Variants in STARD13 observed in about 807,000 individuals in gnomAD.
STARD13 encodes StAR related lipid transfer domain containing 13.
STARD13 carries 62 observed loss-of-function variants against 106.4 expected under a neutral mutation model. That is an observed-to-expected ratio of 0.58 (90% CI 0.48 to 0.72). The LOEUF is 0.72. STARD13 is among the 30% of genes least tolerant of loss of function. The pLI is 0.00. For missense variants in STARD13, 1,387 were observed against 1,424.0 expected, an observed-to-expected ratio of 0.97 and a Z score of 0.42; for synonymous variants, 565 against 553.0, an observed-to-expected ratio of 1.02 and a Z score of -0.31.
chr13:33,501,146 C>T, the STARD13 span, among the ~76,000 whole-genome samples: 3 of 140,306 alleles, frequency 2.1e-5, no homozygotes, highest in African/African-American at 8.1e-5. Flanking sequence ...TGCAGTGGCA[C>T]TATCTCAGGT....
intron 1 of STARD13, among the ~76,000 whole-genome samples, chr13:33,187,463 T>C (rs962490918): frequency 2.0e-5 from 3 of 152,186 alleles, no homozygotes; most frequent in Non-Finnish European, 2.9e-5. Context: ...CTTACATTTA[T>C]GAAAAGTCTG....
the STARD13 span, among the ~76,000 whole-genome samples, chr13:33,527,347 A>G: frequency 5.9e-5 from 9 of 152,068 alleles, no homozygotes; most frequent in African/African-American, 2.2e-4. Context: ...TGCCATCCTT[A>G]TAGTCATTCT....
the STARD13 span, among the ~76,000 whole-genome samples, chr13:33,431,985 C>T: frequency 1.3e-5 from 2 of 152,112 alleles, no homozygotes; most frequent in Admixed American, 6.5e-5. Context: ...GCCTCTGATC[C>T]GGCCCGGTGA....
At chr13:33,653,483 A>G in the STARD13 span, among the ~76,000 whole-genome samples, 1 of 152,216 alleles carries the variant, frequency 6.6e-6, no homozygotes, top group East Asian at 1.9e-4. Context: ...CATTTGCAAA[A>G]GAATGAAGTT....
chr13:33,384,028 C>T, the STARD13 span, among the ~76,000 whole-genome samples: 1 of 152,240 alleles, frequency 6.6e-6, no homozygotes, highest in Non-Finnish European at 1.5e-5. Context: ...AGAATTCAAA[C>T]TTTGATTGCG....
At chr13:33,292,882 C>T (rs991943712) in intron 1 of STARD13, among the ~76,000 whole-genome samples, 9 of 152,044 alleles carry the variant, frequency 5.9e-5, no homozygotes, top group South Asian at 2.1e-4. Flanking sequence ...TCCATTGCAC[C>T]GAGAATGAAA....
At chr13:33,478,577 AT>A in the STARD13 span, among the ~76,000 whole-genome samples, 2 of 152,152 alleles carry the variant, frequency 1.3e-5, no homozygotes, top group African/African-American at 4.8e-5. Flanking sequence ...TGTTATCTAA[AT>A]TTCATCCATC....
chr13:33,398,637 G>A, the STARD13 span, among the ~76,000 whole-genome samples: 4 of 152,152 alleles, frequency 2.6e-5, no homozygotes, highest in Non-Finnish European at 4.4e-5. Flanking sequence ...AAAAAAAAGA[G>A]ATGTGAACAG....
chr13:33,149,346 T>C (rs1447753835), intron 3 of STARD13, among the ~76,000 whole-genome samples: 1 of 152,204 alleles, frequency 6.6e-6, no homozygotes, highest in African/African-American at 2.4e-5. Context: ...TGCTCAGTTT[T>C]GTTGTGAACC....
Position 33,285,618 on chromosome 13 carries a change from C to G in STARD13, c.21G>C (p.Arg7Ser). Reference protein sequence around the residue: MFSQVPRTPASGCYYLN... With the variant: MFSQVPSTPASGCYYLN... ...GGTAGTAGCAGCCTGAGGCTGGGGT[C>G]CTGGGCACCTGACTGAACATCTCGG... The change falls in exon 1 of 14, where the codon AGG becomes AGC. Residue 7 changes from arginine (R) to serine (S), a missense_variant. Arg to Ser is a moderately radical substitution (Grantham distance 110). Transcript: ENST00000336934. The G allele has an allele frequency of 5.0e-6, 8 of 1,613,266 alleles. No individual in the cohort carries two copies. The highest frequency in any genetic ancestry group is 6.8e-6 in the Non-Finnish European group (8 of 1,179,884).
chr13:33,432,269 T>C, the STARD13 span, among the ~76,000 whole-genome samples: 1 of 152,214 alleles, frequency 6.6e-6, no homozygotes, highest in Non-Finnish European at 1.5e-5. Flanking sequence ...CTTTCTTTTC[T>C]TCTTAGAGAA....
the STARD13 span, among the ~76,000 whole-genome samples, chr13:33,542,501 G>A: frequency 6.6e-6 from 1 of 152,244 alleles, no homozygotes; most frequent in African/African-American, 2.4e-5. Context: ...CATTGAAAAA[G>A]ACGCACACGC....
At chr13:33,482,442 A>T in the STARD13 span, among the ~76,000 whole-genome samples, 15 of 152,182 alleles carry the variant, frequency 9.9e-5, no homozygotes, top group Admixed American at 2.0e-4. Flanking sequence ...TGTAATGAAA[A>T]TCAATAAAAA....
At chr13:33,385,223 ATATATAT>A in the STARD13 span, among the ~76,000 whole-genome samples, 6 of 101,638 alleles carry the variant, frequency 5.9e-5, 1 homozygote, top group African/African-American at 3.0e-4. Flanking sequence ...TTCGGAATAT[ATATATAT>A]ATATATATAT....
the STARD13 span, among the ~76,000 whole-genome samples, chr13:33,469,921 A>G: frequency 6.6e-6 from 1 of 152,038 alleles, no homozygotes; most frequent in Non-Finnish European, 1.5e-5. Flanking sequence ...TAAATTTTTT[A>G]TTATACTTTA....
At chr13:33,459,021 G>A in the STARD13 span, among the ~76,000 whole-genome samples, 1 of 151,878 alleles carries the variant, frequency 6.6e-6, no homozygotes, top group Non-Finnish European at 1.5e-5. Flanking sequence ...GGGATTACAG[G>A]CGTGGGCACC....
intron 1 of STARD13, among the ~76,000 whole-genome samples, chr13:33,242,882 C>T (rs940026336): frequency 2.6e-5 from 4 of 152,166 alleles, no homozygotes; most frequent in African/African-American, 9.7e-5. Context: ...GTGTCTTTGT[C>T]TGTTTTTCTG....
At chr13:33,658,910 A>G in the STARD13 span, among the ~76,000 whole-genome samples, 10,782 of 152,188 alleles carry the variant, frequency 0.071, 686 homozygotes, top group Admixed American at 0.2. Context: ...AATCATACCT[A>G]CATAATGAAG....
At chr13:33,168,299 G>C (rs148033847) in intron 1 of STARD13, among the ~76,000 whole-genome samples, 2 of 152,128 alleles carry the variant, frequency 1.3e-5, no homozygotes, top group African/African-American at 4.8e-5. Context: ...AGTTTGATGA[G>C]CCTGCCAGAA....
Sources: allele counts gnomAD v4.1 joint callset (sites outside exome capture counted in the v4.1 genomes callset), GRCh38; gene constraint gnomAD v4.1.1; transcripts MANE v1.5; gene names NCBI Gene and HGNC (gene_info 2026-07-23, HGNC 2026-07-21).